The following GRM5 variants were observed in gnomAD, a reference collection of about 807,000 sequenced individuals.
GRM5 encodes glutamate metabotropic receptor 5, also known as metabotropic glutamate receptor 5.
In GRM5, 19 loss-of-function variants were observed where a neutral mutation model predicts 83.1. The observed-to-expected ratio is 0.23, with a 90% confidence interval of 0.16 to 0.34. The LOEUF is 0.34. GRM5 is among the 10% of genes least tolerant of loss of function. GRM5 has a pLI of 1.00. For missense variants in GRM5, 1,160 were observed against 1,588.3 expected (o/e 0.73, Z 4.58); for synonymous variants, 675 against 633.6 (o/e 1.07, Z -0.98).
chr11:88,627,622 C>T (rs908105912), intron 4 of GRM5, among the ~76,000 whole-genome samples: 2 of 152,074 alleles, frequency 1.3e-5, no homozygotes, highest in Non-Finnish European at 2.9e-5. Flanking sequence ...AATCTCACCC[C>T]TTTCCCTATT....
chr11:88,896,411 A>G (rs1945228482), intron 2 of GRM5, among the ~76,000 whole-genome samples: 1 of 152,006 alleles, frequency 6.6e-6, no homozygotes, highest in Non-Finnish European at 1.5e-5. Context: ...AGTATCAAAA[A>G]CAAGAGTTGA....
intron 2 of GRM5, among the ~76,000 whole-genome samples, chr11:89,044,093 A>G (rs900614004): frequency 6.6e-6 from 1 of 152,180 alleles, no homozygotes; most frequent in Non-Finnish European, 1.5e-5. Context: ...ATCCTGTGTC[A>G]TCGTGGGCAC....
At chr11:88,773,943 T>C (rs1483966771) in intron 3 of GRM5, among the ~76,000 whole-genome samples, 1 of 152,212 alleles carries the variant, frequency 6.6e-6, no homozygotes, top group Non-Finnish European at 1.5e-5. Context: ...AGGCTCTTTT[T>C]TGGTTCCATA....
rs541155918 is a variant in GRM5, at chr11:88,649,816, AT to A, written c.1147+3351del. Among the ~76,000 whole-genome samples the A allele has an allele frequency of 1.9e-3, 293 of 151,960 alleles. 1 individual carries two copies. The highest frequency in any genetic ancestry group is 3.5e-3 in the Non-Finnish European group (237 of 67,850). On this transcript the variant is annotated intron_variant, in intron 4 of 9. Coordinates refer to ENST00000305447, the MANE Select transcript of GRM5 (RefSeq NM_001143831.3). ...TGCGTATACAAGAAATACTAAAGAA[AT>A]TTCCTCGGGCTGAAAGAATTATAGA...
At chr11:88,983,005 G>C (rs1254075543) in intron 2 of GRM5, among the ~76,000 whole-genome samples, 2 of 152,192 alleles carry the variant, frequency 1.3e-5, no homozygotes, top group Non-Finnish European at 2.9e-5. Flanking sequence ...GGCGGAGGTT[G>C]CAGTGAGCTG....
At chr11:88,751,588 C>T (rs1441299111) in intron 3 of GRM5, among the ~76,000 whole-genome samples, 2 of 152,084 alleles carry the variant, frequency 1.3e-5, no homozygotes, top group African/African-American at 2.4e-5. Context: ...GGAGTGACTC[C>T]CCGTTAAGTC....
chr11:89,058,915 T>C (rs769205463), intron 1 of GRM5, among the ~76,000 whole-genome samples: 3 of 137,520 alleles, frequency 2.2e-5, no homozygotes, highest in Non-Finnish European at 4.5e-5. Context: ...TTTTTCATTT[T>C]ATTTATTTTT....
chr11:88,743,535 G>A (rs189396350), intron 3 of GRM5, among the ~76,000 whole-genome samples: 18 of 152,116 alleles, frequency 1.2e-4, no homozygotes, highest in Middle Eastern at 3.4e-3. Context: ...TTCTCATAAC[G>A]ACCCTCAATG....
chr11:89,037,816 A>G (rs1242173094), intron 2 of GRM5, among the ~76,000 whole-genome samples: 1 of 152,164 alleles, frequency 6.6e-6, no homozygotes, highest in East Asian at 1.9e-4. Flanking sequence ...ACATTTCTCT[A>G]GAAAAGTATT....
intron 1 of GRM5, among the ~76,000 whole-genome samples, chr11:89,054,122 G>T (rs1413484704): frequency 3.3e-5 from 5 of 152,196 alleles, no homozygotes; most frequent in Admixed American, 3.3e-4. Context: ...CACGAAGGCA[G>T]AAAATGAAGA....
In GRM5 at chr11:88,747,807, A is replaced by C. The variant is rs562272935; in HGVS notation, c.912-94404T>G. 2.3e-5 allele frequency among the ~76,000 whole-genome samples: 3 copies of C among 127,846 alleles called. No homozygotes were observed. The South Asian group carries it at 1.2e-3, about 51-fold the overall frequency. The allele number at this position is 127,846 out of a possible 152,430, so 83.9% of individuals were successfully genotyped here. A position where few individuals can be genotyped will look rare whatever the true frequency, so the allele number is the denominator to read the frequency against. Reference sequence around the variant, plus strand: ...AGTTGTTCAACCACCTTCTGCTTAGAAACTGATTTGTGTTATTTTTTATTA... The same window carrying C: ...AGTTGTTCAACCACCTTCTGCTTAGCAACTGATTTGTGTTATTTTTTATTA... On this transcript the variant is annotated intron_variant, in intron 3 of 9. Coordinates refer to ENST00000305447, the MANE Select transcript of GRM5 (RefSeq NM_001143831.3).
chr11:88,880,896 C>G (rs1944940394), intron 2 of GRM5, among the ~76,000 whole-genome samples: 1 of 152,002 alleles, frequency 6.6e-6, no homozygotes, highest in Non-Finnish European at 1.5e-5. Context: ...AGTGTACTGT[C>G]TGGGGAAAAA....
At chr11:88,651,136 T>A (rs1939620831) in intron 4 of GRM5, among the ~76,000 whole-genome samples, 1 of 151,998 alleles carries the variant, frequency 6.6e-6, no homozygotes, top group African/African-American at 2.4e-5. Context: ...CAAGGGAGGA[T>A]TTTACAGAAC....
intron 3 of GRM5, among the ~76,000 whole-genome samples, chr11:88,728,019 C>A (rs1941721685): frequency 6.6e-6 from 1 of 151,972 alleles, no homozygotes; most frequent in Non-Finnish European, 1.5e-5. Flanking sequence ...CAAGAAATAA[C>A]TTAGATCAGA....
chr11:88,674,873 CTCTT>C (rs1317116189), intron 3 of GRM5, among the ~76,000 whole-genome samples: 2 of 151,930 alleles, frequency 1.3e-5, no homozygotes, highest in Admixed American at 1.3e-4. Flanking sequence ...AAATTTGGCT[CTCTT>C]TGTCTTTAAA....
chr11:88,642,086 G>C (rs1357668837), intron 4 of GRM5, among the ~76,000 whole-genome samples: 1 of 152,078 alleles, frequency 6.6e-6, no homozygotes, highest in Non-Finnish European at 1.5e-5. Context: ...GTCTCATATA[G>C]CTTCTGAAAT....
intron 2 of GRM5, among the ~76,000 whole-genome samples, chr11:88,923,981 A>T (rs1285790048): frequency 6.6e-6 from 1 of 151,700 alleles, no homozygotes; most frequent in Non-Finnish European, 1.5e-5. Flanking sequence ...AATACTAAAA[A>T]TGGGCAAAAG....
chr11:88,811,720 T>C (rs1943591338), intron 3 of GRM5, among the ~76,000 whole-genome samples: 1 of 152,146 alleles, frequency 6.6e-6, no homozygotes, highest in African/African-American at 2.4e-5. Context: ...TACTGTTTTA[T>C]GTATTAAGTG....
intron 3 of GRM5, among the ~76,000 whole-genome samples, chr11:88,838,698 T>C (rs1451411962): frequency 6.6e-6 from 1 of 152,218 alleles, no homozygotes; most frequent in African/African-American, 2.4e-5. Flanking sequence ...GGCCTTACTT[T>C]AAAAATATCT....
Sources: gnomAD v4.1 joint callset for allele counts (sites outside exome capture counted in the v4.1 genomes callset) on GRCh38, gnomAD v4.1.1 for gene constraint, MANE v1.5 for transcripts, NCBI Gene and HGNC (gene_info 2026-07-23, HGNC 2026-07-21) for gene names.